RGS6: variants seen among roughly 807,000 people sequenced by gnomAD.
The protein encoded by RGS6 is regulator of G-protein signaling 6.
RGS6 carries 30 observed loss-of-function variants against 78.5 expected under a neutral mutation model. The ratio of observed to expected loss-of-function variants is 0.38; its 90% CI spans 0.29 to 0.52. The LOEUF (loss-of-function observed/expected upper bound fraction) is 0.52. Among genes scored for constraint, RGS6 ranks in the 20% least tolerant of loss-of-function variants. The probability of loss-of-function intolerance (pLI) is 0.85; values close to 1 mark genes in which losing one functional copy is unlikely to be tolerated. For missense variants in RGS6, 495 were observed against 609.7 expected (o/e 0.81, Z 1.98); for synonymous variants, 206 against 206.0 (o/e 1.00, Z 0.00).
chr14:72,185,537 T>C (rs1450140510), intron 2 of RGS6, among the ~76,000 whole-genome samples: 1 of 152,220 alleles, frequency 6.6e-6, no homozygotes, highest in East Asian at 1.9e-4. Flanking sequence ...AATAACAGTA[T>C]GACAAATGAA....
chr14:72,146,009 T>C (rs2096602256), intron 2 of RGS6, among the ~76,000 whole-genome samples: 1 of 152,194 alleles, frequency 6.6e-6, no homozygotes, highest in Non-Finnish European at 1.5e-5. Flanking sequence ...CTCAGAAATT[T>C]ATTTTTTACG....
At chr14:72,383,254 G>A (rs796752686) in intron 3 of RGS6, among the ~76,000 whole-genome samples, 8 of 147,038 alleles carry the variant, frequency 5.4e-5, no homozygotes, top group African/African-American at 2.0e-4. Context: ...GGGAGAGGGA[G>A]AAAGATTGAT....
chr14:72,009,543 G>T (rs1335308936), intron 2 of RGS6, among the ~76,000 whole-genome samples: 2 of 152,158 alleles, frequency 1.3e-5, no homozygotes, highest in African/African-American at 4.8e-5. Context: ...TGCTGATTTT[G>T]CTTTATATTC....
At chr14:72,353,381 C>T (rs1402173362) in intron 3 of RGS6, among the ~76,000 whole-genome samples, 1 of 152,184 alleles carries the variant, frequency 6.6e-6, no homozygotes, top group African/African-American at 2.4e-5. Flanking sequence ...TCTCCACAAT[C>T]AGCAACAAAA....
intron 1 of RGS6, among the ~76,000 whole-genome samples, chr14:71,959,604 TCTC>T (rs1277590389): frequency 2.0e-5 from 3 of 152,000 alleles, no homozygotes; most frequent in African/African-American, 7.2e-5. Flanking sequence ...TGTAGTTGGT[TCTC>T]CTCTTAGCTC....
intron 2 of RGS6, among the ~76,000 whole-genome samples, chr14:72,063,522 A>G (rs1223376463): frequency 1.3e-5 from 2 of 152,202 alleles, no homozygotes; most frequent in African/African-American, 4.8e-5. Context: ...ACGTTTCTTG[A>G]GAGATTTTTG....
At chr14:71,952,068 A>G (rs1384720814) in intron 1 of RGS6, among the ~76,000 whole-genome samples, 1 of 152,124 alleles carries the variant, frequency 6.6e-6, no homozygotes, top group Non-Finnish European at 1.5e-5. Flanking sequence ...TTACTTGTAA[A>G]AGAGTTATTA....
At chr14:72,079,002 A>G (rs912749225) in intron 2 of RGS6, among the ~76,000 whole-genome samples, 2 of 152,036 alleles carry the variant, frequency 1.3e-5, no homozygotes, top group East Asian at 1.9e-4. Flanking sequence ...TATTTTGCCA[A>G]TGCTCATCTT....
At chr14:72,372,347 A>G (rs1305850251) in intron 3 of RGS6, among the ~76,000 whole-genome samples, 5 of 152,198 alleles carry the variant, frequency 3.3e-5, no homozygotes, top group African/African-American at 4.8e-5. Flanking sequence ...TCATTTTTAT[A>G]TAAAATTTAA....
At chr14:72,302,475 T>C (rs2066286607) in intron 2 of RGS6, among the ~76,000 whole-genome samples, 1 of 152,212 alleles carries the variant, frequency 6.6e-6, no homozygotes, top group African/African-American at 2.4e-5. Flanking sequence ...TCCTTCCCAC[T>C]TCTAATTCTT....
intron 2 of RGS6, among the ~76,000 whole-genome samples, chr14:72,269,319 C>T (rs2059562859): frequency 6.6e-6 from 1 of 152,184 alleles, no homozygotes; most frequent in African/African-American, 2.4e-5. Flanking sequence ...CATTGCATTC[C>T]AGATAAAAGC....
the RGS6 span, among the ~76,000 whole-genome samples, chr14:72,581,045 A>G: frequency 6.4e-4 from 98 of 152,314 alleles, no homozygotes; most frequent in African/African-American, 2.4e-3. Flanking sequence ...CCAGTGCCAC[A>G]TGTGACCATC....
chr14:72,428,703 G>A (rs2094517782), intron 3 of RGS6, among the ~76,000 whole-genome samples: 1 of 152,228 alleles, frequency 6.6e-6, no homozygotes, highest in Admixed American at 6.5e-5. Flanking sequence ...TAGGAAGCAG[G>A]TCTTATCTCT....
At chr14:72,527,772 C>T (rs1345192636) in intron 15 of RGS6, among the ~76,000 whole-genome samples, 1 of 152,192 alleles carries the variant, frequency 6.6e-6, no homozygotes, top group Non-Finnish European at 1.5e-5. Flanking sequence ...TCCATCACCC[C>T]ACACAGCAAC....
chr14:72,560,837 T>A, intron 17 of RGS6, among the ~76,000 whole-genome samples: 1 of 140,610 alleles, frequency 7.1e-6, no homozygotes, highest in African/African-American at 3.0e-5. Context: ...TGTGTGTGTG[T>A]GTTTAAGATG....
intron 1 of RGS6, among the ~76,000 whole-genome samples, chr14:71,955,720 C>A (rs2092732727): frequency 6.6e-6 from 1 of 152,032 alleles, no homozygotes; most frequent in African/African-American, 2.4e-5. Context: ...TTTAGTACAC[C>A]CTGTTTATCA....
intron 2 of RGS6, among the ~76,000 whole-genome samples, chr14:72,206,426 C>T (rs1024756898): frequency 2.0e-5 from 3 of 152,084 alleles, no homozygotes; most frequent in Non-Finnish European, 4.4e-5. Flanking sequence ...AAGATATATA[C>T]ATATGGTATT....
intron 2 of RGS6, among the ~76,000 whole-genome samples, chr14:72,001,895 C>CTTTTTTTTTTTTTTTTTTTTTT (rs59274317): frequency 8.6e-5 from 8 of 92,552 alleles, no homozygotes; most frequent in African/African-American, 3.5e-4. Context: ...ATCCATTAAT[C>CTTTTTTTTTTTTTTTTTTTTTT]TTTTTTTTTT....
At chr14:71,938,750 A>G (rs796370177) in intron 1 of RGS6, among the ~76,000 whole-genome samples, 16 of 152,308 alleles carry the variant, frequency 1.1e-4, no homozygotes, top group African/African-American at 3.8e-4. Flanking sequence ...TGGGTCAGAA[A>G]GCACCCAGTT....
Sources: gnomAD v4.1 joint callset for allele counts (sites outside exome capture counted in the v4.1 genomes callset) on GRCh38, gnomAD v4.1.1 for gene constraint, MANE v1.5 for transcripts, NCBI Gene and HGNC (gene_info 2026-07-23, HGNC 2026-07-21) for gene names.